Variants in SHB observed in about 807,000 individuals in gnomAD.
The protein encoded by SHB is SH2 domain-containing adapter protein B.
In SHB, 20 loss-of-function variants were observed where a neutral mutation model predicts 52.3. That is an observed-to-expected ratio of 0.38 (90% CI 0.27 to 0.56). The LOEUF is 0.56. Ranked by LOEUF, SHB falls within the 20% of genes least tolerant of loss-of-function variation. SHB has a pLI of 0.71. For synonymous variants in SHB, 397 were observed against 316.5 expected (o/e 1.25, Z -2.70); for missense variants, 825 against 723.3 (o/e 1.14, Z -1.61).
intron 2 of SHB, among the ~76,000 whole-genome samples, chr9:37,999,063 G>C (rs1275125912): frequency 3.3e-5 from 5 of 152,240 alleles, no homozygotes; most frequent in Non-Finnish European, 5.9e-5. Flanking sequence ...GGAGGACAGT[G>C]AGCGTTTACA....
Position 37,990,090 on chromosome 9 carries a change from G to A in SHB, c.839-15253C>T, listed in dbSNP as rs373185589. On this transcript the variant is annotated intron_variant, in intron 2 of 5. Coordinates refer to ENST00000377707, the MANE Select transcript of SHB (RefSeq NM_003028.3). The stretch of plus-strand genomic sequence containing the variant: ...AAGATGTCATCAACTTCCAGAACAC[G>A]AGACTGGAGGCACCTTGATTGAGTA... Among the ~76,000 whole-genome samples, 159 of 152,282 alleles carry A rather than the reference G, an allele frequency of 1.0e-3. 1 individual carries two copies. In the South Asian group the frequency reaches 0.011, roughly 11 times the overall value.
At chr9:38,057,559 G>GC (rs1403593847) in intron 1 of SHB, among the ~76,000 whole-genome samples, 1 of 152,172 alleles carries the variant, frequency 6.6e-6, no homozygotes, top group Non-Finnish European at 1.5e-5. Flanking sequence ...ACTTGCAAGG[G>GC]CCCCACACAG....
chr9:37,981,562 T>C (rs1023861959), intron 2 of SHB, among the ~76,000 whole-genome samples: 7 of 102,464 alleles, frequency 6.8e-5, no homozygotes, highest in East Asian at 9.0e-4. Flanking sequence ...AGTGACACTT[T>C]TAATTTTCTT....
intron 5 of SHB, among the ~76,000 whole-genome samples, chr9:37,933,382 A>G (rs758925999): frequency 2.6e-5 from 4 of 152,222 alleles, no homozygotes; most frequent in Non-Finnish European, 5.9e-5. Context: ...CAACCTTTGA[A>G]GCTTGGCACA....
intron 4 of SHB, among the ~76,000 whole-genome samples, chr9:37,949,707 G>A (rs952952435): frequency 2.6e-5 from 4 of 152,180 alleles, no homozygotes; most frequent in African/African-American, 4.8e-5. Flanking sequence ...GGAGGGCCAC[G>A]CTCTGACTCA....
intron 2 of SHB, among the ~76,000 whole-genome samples, chr9:37,994,506 C>G (rs1226234538): frequency 2.6e-5 from 4 of 152,216 alleles, no homozygotes; most frequent in Non-Finnish European, 5.9e-5. Context: ...AGGTTCAAAC[C>G]CTGGCTCTGC....
chr9:37,935,891 A>G (rs1298547500), intron 5 of SHB, among the ~76,000 whole-genome samples: 1 of 151,614 alleles, frequency 6.6e-6, no homozygotes, highest in Non-Finnish European at 1.5e-5. Context: ...TCCTAACTCC[A>G]TAGCCAATGA....
chr9:37,965,075 G>A (rs907920804), intron 3 of SHB, among the ~76,000 whole-genome samples: 1 of 152,232 alleles, frequency 6.6e-6, no homozygotes, highest in East Asian at 1.9e-4. Context: ...CCAAAGACCT[G>A]CAAGGAGCAG....
intron 5 of SHB, 26 bp from the exon 6 acceptor site, chr9:37,920,030 G>C: frequency 1.3e-6 from 2 of 1,594,074 alleles, no homozygotes; most frequent in South Asian, 1.1e-5. Context: ...AGAGTTATCA[G>C]AACTACCCCC....
At chr9:38,039,928 A>G (rs7044992) in intron 1 of SHB, among the ~76,000 whole-genome samples, 70,251 of 152,194 alleles carry the variant, frequency 0.46, 17,577 homozygotes, top group Middle Eastern at 0.59. Context: ...ATGAATCCCT[A>G]GGCCCCAGTC....
intron 2 of SHB, among the ~76,000 whole-genome samples, chr9:37,979,651 A>T (rs1466615625): frequency 6.6e-6 from 1 of 151,480 alleles, no homozygotes; most frequent in Non-Finnish European, 1.5e-5. Flanking sequence ...CAACAACAAC[A>T]AAAAAAACAG....
intron 1 of SHB, among the ~76,000 whole-genome samples, chr9:38,037,999 C>G (rs185910506): frequency 3.9e-4 from 60 of 152,320 alleles, no homozygotes; most frequent in Non-Finnish European, 4.4e-5. Context: ...AGTGGTTTAA[C>G]TAACTCCTAA....
chr9:38,039,674 C>T (rs1437696008), intron 1 of SHB, among the ~76,000 whole-genome samples: 2 of 152,268 alleles, frequency 1.3e-5, no homozygotes, highest in African/African-American at 4.8e-5. Context: ...CAGTAAAACA[C>T]GTAGCAAAGG....
intron 5 of SHB, among the ~76,000 whole-genome samples, chr9:37,944,181 TA>T (rs760092061): frequency 2.8e-4 from 42 of 152,226 alleles, no homozygotes; most frequent in Non-Finnish European, 4.9e-4. Context: ...GATTCACAGG[TA>T]GGGGCCCCTG....
chr9:37,952,593 G>A (rs1004345901), intron 4 of SHB, among the ~76,000 whole-genome samples: 3 of 152,196 alleles, frequency 2.0e-5, no homozygotes, highest in African/African-American at 7.2e-5. Flanking sequence ...GAGGAGACAA[G>A]TCAGGATGCT....
At chr9:37,997,096 C>T (rs755492312) in intron 2 of SHB, among the ~76,000 whole-genome samples, 3 of 152,204 alleles carry the variant, frequency 2.0e-5, no homozygotes, top group Non-Finnish European at 4.4e-5. Context: ...CCTGTGGGTA[C>T]AGTCCAAGCC....
intron 1 of SHB, among the ~76,000 whole-genome samples, chr9:38,032,867 C>T (rs1017594708): frequency 1.3e-5 from 2 of 152,182 alleles, no homozygotes; most frequent in Non-Finnish European, 2.9e-5. Context: ...GAAGCATACC[C>T]GTGCCAGGCA....
intron 2 of SHB, among the ~76,000 whole-genome samples, chr9:38,010,077 C>T (rs150242766): frequency 1.1e-3 from 166 of 152,300 alleles, no homozygotes; most frequent in Non-Finnish European, 2.2e-3. Flanking sequence ...CTGGGGAACA[C>T]AGGACAGATG....
chr9:37,957,296 C>A (rs759141739), intron 3 of SHB, among the ~76,000 whole-genome samples: 3 of 152,230 alleles, frequency 2.0e-5, no homozygotes, highest in Non-Finnish European at 4.4e-5. Flanking sequence ...CGGCCAGACA[C>A]ACGAAAATCA....
Sources: gnomAD v4.1 joint callset for allele counts (sites outside exome capture counted in the v4.1 genomes callset) on GRCh38, gnomAD v4.1.1 for gene constraint, MANE v1.5 for transcripts, NCBI Gene and HGNC (gene_info 2026-07-23, HGNC 2026-07-21) for gene names.